The following ACTN4 variants were observed in gnomAD, a reference collection of about 807,000 sequenced individuals.
ACTN4 encodes the protein actinin alpha 4, also known as alpha-actinin-4.
ACTN4 carries 18 observed loss-of-function variants against 114.2 expected under a neutral mutation model. The ratio of observed to expected loss-of-function variants is 0.16; its 90% confidence interval spans 0.11 to 0.23. ACTN4 has a LOEUF of 0.23. Among genes scored for constraint, ACTN4 ranks in the 10% least tolerant of loss-of-function variants. The pLI is 1.00. For synonymous variants in ACTN4, 515 were observed against 506.3 expected, an observed-to-expected ratio of 1.02 and a Z score of -0.23; for missense variants, 722 against 1,262.9, an observed-to-expected ratio of 0.57 and a Z score of 6.49.
At chr19:38,702,576 G>A (rs375166877) in intron 3 of ACTN4, among the ~76,000 whole-genome samples, 224 of 152,338 alleles carry the variant, frequency 1.5e-3, no homozygotes, top group African/African-American at 5.0e-3. Flanking sequence ...GCCTTGCCCA[G>A]CTCTGCAGGC....
chr19:38,724,238 A>G lies in ACTN4; in HGVS notation c.1774A>G (p.Lys592Glu), dbSNP rs1969151879. ...REREAILAIHKEAQRIAESNH... is the reference protein window; with the variant it reads ...REREAILAIHEEAQRIAESNH... Reference sequence around the variant, plus strand: ...GCGCGAGGCCATCCTGGCCATCCACAAGGAGGCCCAGAGGATCGCTGAGAG... The same window carrying G: ...GCGCGAGGCCATCCTGGCCATCCACGAGGAGGCCCAGAGGATCGCTGAGAG... The change falls in exon 15 of 21, where the codon AAG becomes GAG. Residue 592 changes from lysine to glutamate, a missense_variant. By Grantham distance (56) the Lys-to-Glu change is moderately conservative. Transcript: ENST00000252699. The surrounding 1 kb of genome is among the most constrained non-coding windows in gnomAD (Gnocchi z 7.0). 1.2e-6 allele frequency: 2 copies of G among 1,613,792 alleles called. No individual in the cohort carries two copies. The highest frequency in any genetic ancestry group is 1.7e-6 in the Non-Finnish European group (2 of 1,180,016).
intron 1 of ACTN4, among the ~76,000 whole-genome samples, chr19:38,652,655 G>A (rs1409355745): frequency 2.0e-5 from 3 of 152,302 alleles, no homozygotes; most frequent in East Asian, 1.9e-4. Flanking sequence ...AACGGCAGCC[G>A]ACTGCTTGGC....
chr19:38,679,568 C>T lies in ACTN4; in HGVS notation c.163-21032C>T, dbSNP rs201396987. Among the ~76,000 whole-genome samples, 721 of 145,512 alleles carry T rather than the reference C, an allele frequency of 5.0e-3. 4 individuals carry two copies. Among genetic ancestry groups the T allele is most frequent in the African/African-American group, 6.5e-3 (256 of 39,290 alleles). ...ACGTGCTCAAATAGATTTGGGTGTGCGTGTGTGTGTGTGTGTGTGTGTGTG... is the reference window on the plus strand; with the variant it reads ...ACGTGCTCAAATAGATTTGGGTGTGTGTGTGTGTGTGTGTGTGTGTGTGTG... On this transcript the variant is annotated intron_variant, in intron 1 of 20. Transcript: ENST00000252699.
intron 8 of ACTN4, among the ~76,000 whole-genome samples, chr19:38,713,946 T>C (rs1164683994): frequency 1.3e-5 from 2 of 152,160 alleles, no homozygotes; most frequent in Non-Finnish European, 2.9e-5. Flanking sequence ...GCCCCACGGA[T>C]GGTGACTTCT....
chr19:38,725,711 C>T lies in ACTN4; in HGVS notation c.2011-13C>T. 1 of 1,612,982 alleles carries T rather than the reference C, an allele frequency of 6.2e-7. No homozygotes were observed. The highest frequency in any genetic ancestry group is 8.5e-7 in the Non-Finnish European group (1 of 1,179,836). ...CACCAGCCTCACCCCACCGCCTGCACCCACCCCCGTAGGAGATCGGGCGCA... is the reference window on the plus strand; with the variant it reads ...CACCAGCCTCACCCCACCGCCTGCATCCACCCCCGTAGGAGATCGGGCGCA... On this transcript the variant is annotated splice_polypyrimidine_tract_variant and intron_variant, in intron 16 of 20. Coordinates refer to ENST00000252699, the MANE Select transcript of ACTN4 (RefSeq NM_004924.6).
chr19:38,666,757 C>T (rs1312692374), intron 1 of ACTN4, among the ~76,000 whole-genome samples: 1 of 152,210 alleles, frequency 6.6e-6, no homozygotes, highest in Non-Finnish European at 1.5e-5. Flanking sequence ...ATCTGTCACC[C>T]CTCCTAGATC....
At chr19:38,712,701 G>A (rs940752877) in intron 8 of ACTN4, among the ~76,000 whole-genome samples, 6 of 152,128 alleles carry the variant, frequency 3.9e-5, no homozygotes, top group African/African-American at 9.7e-5. Context: ...AGCAATGGAC[G>A]ATTCGTCACC....
At chr19:38,648,181 T>G (rs1599750342) in intron 1 of ACTN4, 1 of 345,328 alleles carries the variant, frequency 2.9e-6, no homozygotes, top group Non-Finnish European at 5.2e-6. Context: ...ATTTGGAGGG[T>G]CTGGGCGTGC....
At position 38,706,036 on chromosome 19, in the gene ACTN4, T is replaced by C. The variant is rs753425567; in HGVS notation, c.485-8T>C. 2 of 1,613,918 alleles carry C rather than the reference T, an allele frequency of 1.2e-6. No homozygotes were observed. The highest frequency in any genetic ancestry group is 1.7e-6 in the Non-Finnish European group (2 of 1,179,852). ...AGCCAGTGCTCACTGTCTTTGTGTG[T>C]TTTGCAGAGACCTCGGCCAAGGAAG... On this transcript the variant is annotated splice_region_variant and splice_polypyrimidine_tract_variant and intron_variant, in intron 4 of 20. Transcript: ENST00000252699.
intron 1 of ACTN4, among the ~76,000 whole-genome samples, chr19:38,673,674 TTATATATTTATATATATTA>T (rs1398023965): frequency 3.0e-5 from 2 of 67,582 alleles, no homozygotes; most frequent in African/African-American, 1.6e-4. Flanking sequence ...TTATATATAT[TTATATATTTATATATATTA>T]TATATATTTA....
Position 38,729,740 on chromosome 19 carries a change from C to T in ACTN4, c.*308C>T, listed in dbSNP as rs1382187979. 5.2e-6 allele frequency: 3 copies of T among 572,082 alleles called. No individual in the cohort carries two copies. The highest frequency in any genetic ancestry group is 9.9e-6 in the Non-Finnish European group (3 of 304,102). 35.4% of individuals were successfully genotyped at this position (572,082 alleles called of 1,614,324 possible). ...TTCCCACAGCACAACCGGTCCCTTCCATGCCCTGGGATGCCTCACCACACC... is the reference window on the plus strand; with the variant it reads ...TTCCCACAGCACAACCGGTCCCTTCTATGCCCTGGGATGCCTCACCACACC... On this transcript the variant is annotated 3_prime_UTR_variant, in exon 21 of 21. Coordinates refer to ENST00000252699, the MANE Select transcript of ACTN4 (RefSeq NM_004924.6).
chr19:38,673,558 T>C lies in ACTN4; in HGVS notation c.162+25651T>C, dbSNP rs533854037. 7.4e-4 allele frequency among the ~76,000 whole-genome samples: 64 copies of C among 86,266 alleles called. 1 individual carries two copies. The highest frequency in any genetic ancestry group is 4.8e-3 in the Admixed American group (33 of 6,882). The allele number at this position is 86,266 out of a possible 152,430, so 56.6% of individuals were successfully genotyped here. On this transcript the variant is annotated intron_variant, in intron 1 of 20. Coordinates refer to ENST00000252699, the MANE Select transcript of ACTN4 (RefSeq NM_004924.6). ...ATACTTATATATATTTATATATACT[T>C]ATATATATTTATATATATTCATATA...
At chr19:38,719,098 T>A (rs1968946277) in intron 11 of ACTN4, among the ~76,000 whole-genome samples, 1 of 152,226 alleles carries the variant, frequency 6.6e-6, no homozygotes, top group South Asian at 2.1e-4. Flanking sequence ...TGCCTGGCCG[T>A]TGGCTCCAGA....
At chr19:38,704,617 C>T (rs539633761) in intron 3 of ACTN4, among the ~76,000 whole-genome samples, 1 of 152,214 alleles carries the variant, frequency 6.6e-6, no homozygotes, top group Non-Finnish European at 1.5e-5. Context: ...AGAGGCCACA[C>T]GCCTGGGACC....
At chr19:38,692,226 A>G (rs1394123963) in intron 1 of ACTN4, among the ~76,000 whole-genome samples, 1 of 152,230 alleles carries the variant, frequency 6.6e-6, no homozygotes, top group Admixed American at 6.5e-5. Flanking sequence ...GTCATGTAAC[A>G]GGCACACACA....
At chr19:38,681,811 A>T (rs765872535) in intron 1 of ACTN4, among the ~76,000 whole-genome samples, 29 of 152,086 alleles carry the variant, frequency 1.9e-4, no homozygotes, top group Non-Finnish European at 3.4e-4. Context: ...ACCTGAAGGC[A>T]GGTTTCAACT....
chr19:38,670,388 C>T (rs775771762), intron 1 of ACTN4, among the ~76,000 whole-genome samples: 3 of 152,202 alleles, frequency 2.0e-5, no homozygotes, highest in African/African-American at 7.2e-5. Flanking sequence ...GCAGGTGATC[C>T]TGTCATTTGG....
intron 1 of ACTN4, among the ~76,000 whole-genome samples, chr19:38,674,297 C>T (rs1053485520): frequency 3.9e-5 from 6 of 152,108 alleles, no homozygotes; most frequent in African/African-American, 1.2e-4. Context: ...GAGACCAAGA[C>T]AGTGGGGAGA....
chr19:38,703,653 G>C (rs1483065279), intron 3 of ACTN4, among the ~76,000 whole-genome samples: 3 of 152,214 alleles, frequency 2.0e-5, no homozygotes, highest in Non-Finnish European at 4.4e-5. Context: ...GGCCTTCCAG[G>C]CACTGGATCC....
Sources: allele counts gnomAD v4.1 joint callset (sites outside exome capture counted in the v4.1 genomes callset), GRCh38; gene constraint gnomAD v4.1.1; non-coding constraint Gnocchi (gnomAD v3.1); transcripts MANE v1.5; gene names NCBI Gene and HGNC (gene_info 2026-07-23, HGNC 2026-07-21).